The following LTBP1 variants were observed in gnomAD, a reference collection of about 807,000 sequenced individuals.
LTBP1 encodes the protein latent transforming growth factor beta binding protein 1.
In LTBP1, 129 loss-of-function variants were observed where a neutral mutation model predicts 207.6. The observed-to-expected ratio is 0.62, with a 90% CI of 0.54 to 0.72. The LOEUF is 0.72. LTBP1 is among the 30% of genes least tolerant of loss of function. LTBP1 has a pLI of 0.00. For missense variants in LTBP1, 2,281 were observed against 2,217.2 expected, an observed-to-expected ratio of 1.03 and a Z score of -0.58; for synonymous variants, 963 against 833.7, an observed-to-expected ratio of 1.16 and a Z score of -2.67.
At chr2:33,024,018 C>A (rs1301702355) in intron 3 of LTBP1, among the ~76,000 whole-genome samples, 3 of 152,162 alleles carry the variant, frequency 2.0e-5, no homozygotes, top group Non-Finnish European at 4.4e-5. Flanking sequence ...GTCTAACATG[C>A]CAAAATGTTT....
intron 9 of LTBP1, among the ~76,000 whole-genome samples, chr2:33,236,911 G>A (rs6742773): frequency 0.021 from 3,255 of 152,200 alleles, 124 homozygotes; most frequent in African/African-American, 0.074. Context: ...ATGTTACCCC[G>A]AAGACAGAAG....
chr2:33,061,615 T>C (rs2077274063), intron 3 of LTBP1, among the ~76,000 whole-genome samples: 1 of 152,218 alleles, frequency 6.6e-6, no homozygotes, highest in African/African-American at 2.4e-5. Flanking sequence ...TGGAATGTGT[T>C]AATACTGTCG....
chr2:33,074,615 A>G (rs1157046582), intron 3 of LTBP1, among the ~76,000 whole-genome samples: 3 of 152,180 alleles, frequency 2.0e-5, no homozygotes, highest in African/African-American at 7.2e-5. Context: ...CACGCCTGTA[A>G]TTCCAGCACT....
intron 7 of LTBP1, among the ~76,000 whole-genome samples, chr2:33,214,987 G>A (rs1463192140): frequency 6.6e-6 from 1 of 151,534 alleles, no homozygotes; most frequent in Non-Finnish European, 1.5e-5. Context: ...CGTTTCTTAT[G>A]GAGTCTGGTA....
At chr2:33,360,519 C>G in intron 26 of LTBP1, 78 bp from the exon 27 acceptor site, 2 of 876,360 alleles carry the variant, frequency 2.3e-6, no homozygotes, top group South Asian at 1.6e-5. Flanking sequence ...CACTCTTTCC[C>G]CCATTGCATT....
intron 2 of LTBP1, among the ~76,000 whole-genome samples, chr2:33,013,471 AT>A (rs903521448): frequency 6.7e-6 from 1 of 150,272 alleles, no homozygotes; most frequent in African/African-American, 2.5e-5. Context: ...TTTCAGAAAA[AT>A]TTTTTTTCTG....
At chr2:33,037,898 T>C (rs996994785) in intron 3 of LTBP1, among the ~76,000 whole-genome samples, 3 of 152,102 alleles carry the variant, frequency 2.0e-5, no homozygotes, top group South Asian at 2.1e-4. Context: ...TTAAAATTTT[T>C]TGGAGAGATG....
intron 5 of LTBP1, among the ~76,000 whole-genome samples, chr2:33,153,165 G>T (rs985387243): frequency 1.4e-4 from 22 of 152,100 alleles, no homozygotes; most frequent in African/African-American, 4.8e-4. Flanking sequence ...TACTTTTTTG[G>T]GCTCTGTTTT....
At chr2:32,962,672 T>G (rs150689) in intron 2 of LTBP1, among the ~76,000 whole-genome samples, 1 of 152,094 alleles carries the variant, frequency 6.6e-6, no homozygotes, top group East Asian at 1.9e-4. Context: ...TTGGAATGCT[T>G]TGTTTTGAGT....
At chr2:33,332,302 G>A (rs1399858768) in intron 24 of LTBP1, among the ~76,000 whole-genome samples, 2 of 147,896 alleles carry the variant, frequency 1.4e-5, no homozygotes, top group African/African-American at 2.5e-5. Flanking sequence ...GGAGGCTGAG[G>A]TGGGAGGATC....
At chr2:32,977,384 C>A (rs1013283465) in intron 2 of LTBP1, among the ~76,000 whole-genome samples, 3 of 152,222 alleles carry the variant, frequency 2.0e-5, no homozygotes, top group African/African-American at 7.2e-5. Context: ...TGCTGGCTGA[C>A]TTCAGGCAGA....
chr2:33,380,348 G>A (rs568220450), intron 31 of LTBP1, among the ~76,000 whole-genome samples: 8 of 151,736 alleles, frequency 5.3e-5, no homozygotes, highest in South Asian at 2.1e-4. Context: ...AGGTCAAAGC[G>A]GGTGGATCAC....
intron 2 of LTBP1, among the ~76,000 whole-genome samples, chr2:32,956,478 T>C (rs753699970): frequency 6.6e-6 from 1 of 152,206 alleles, no homozygotes; most frequent in East Asian, 1.9e-4. Flanking sequence ...AAGCAGCTCC[T>C]CATCTCTTCA....
intron 2 of LTBP1, among the ~76,000 whole-genome samples, chr2:33,001,399 G>C (rs1276715626): frequency 7.4e-6 from 1 of 134,854 alleles, no homozygotes; most frequent in African/African-American, 2.6e-5. Context: ...GTGAGAACTT[G>C]CATTTCTCGA....
At chr2:33,045,224 T>C (rs1450960883) in intron 3 of LTBP1, among the ~76,000 whole-genome samples, 1 of 152,224 alleles carries the variant, frequency 6.6e-6, no homozygotes, top group Non-Finnish European at 1.5e-5. Context: ...CTAGGTTTTC[T>C]TCTAGGGTTT....
At chr2:33,312,670 A>G (rs954069755) in intron 23 of LTBP1, among the ~76,000 whole-genome samples, 1 of 151,396 alleles carries the variant, frequency 6.6e-6, no homozygotes, top group Non-Finnish European at 1.5e-5. Context: ...GTTCTTTCTT[A>G]GCAGTTTCCT....
chr2:33,192,588 A>C (rs2088024978), intron 7 of LTBP1, among the ~76,000 whole-genome samples: 1 of 152,188 alleles, frequency 6.6e-6, no homozygotes, highest in Non-Finnish European at 1.5e-5. Context: ...ACAAAAAATA[A>C]GTGTAATATA....
chr2:33,051,392 G>C (rs568227397), intron 3 of LTBP1, among the ~76,000 whole-genome samples: 1 of 152,150 alleles, frequency 6.6e-6, no homozygotes, highest in Admixed American at 6.6e-5. Context: ...ACTCCAACCT[G>C]GGTTTCAGAG....
intron 2 of LTBP1, among the ~76,000 whole-genome samples, chr2:32,961,485 A>G (rs1332143490): frequency 6.6e-6 from 1 of 152,232 alleles, no homozygotes; most frequent in African/African-American, 2.4e-5. Context: ...CAGAGAGCTG[A>G]TAGGATGTGT....
Sources: allele counts gnomAD v4.1 joint callset (sites outside exome capture counted in the v4.1 genomes callset), GRCh38; gene constraint gnomAD v4.1.1; transcripts MANE v1.5; gene names NCBI Gene and HGNC (gene_info 2026-07-23, HGNC 2026-07-21).